CDK14: variants seen among roughly 807,000 people sequenced by gnomAD.
CDK14 encodes the protein cyclin dependent kinase 14.
A neutral mutation model predicts 60.7 loss-of-function variants in CDK14; 34 were observed. That is an observed-to-expected ratio of 0.56 (90% CI 0.43 to 0.75). CDK14 has a LOEUF of 0.75. Ranked by LOEUF, CDK14 falls within the 30% of genes least tolerant of loss-of-function variation. The probability of loss-of-function intolerance (pLI) is 0.00; values close to 1 mark genes in which losing one functional copy is unlikely to be tolerated. For synonymous variants in CDK14, 197 were observed against 203.7 expected, an observed-to-expected ratio of 0.97 and a Z score of 0.28; for missense variants, 482 against 564.1, an observed-to-expected ratio of 0.85 and a Z score of 1.47.
At chr7:90,609,778 T>C (rs960830390) in intron 2 of CDK14, among the ~76,000 whole-genome samples, 2 of 152,172 alleles carry the variant, frequency 1.3e-5, no homozygotes, top group African/African-American at 2.4e-5. Flanking sequence ...ACAAATATGA[T>C]TTGTGGATAT....
chr7:91,055,879 T>C (rs1042724332), intron 11 of CDK14, among the ~76,000 whole-genome samples: 2 of 152,260 alleles, frequency 1.3e-5, no homozygotes, highest in Non-Finnish European at 2.9e-5. Flanking sequence ...TGAGTTGTTA[T>C]ATACCAGTGG....
At chr7:91,049,295 C>T (rs1797325812) in intron 11 of CDK14, among the ~76,000 whole-genome samples, 1 of 152,188 alleles carries the variant, frequency 6.6e-6, no homozygotes, top group Non-Finnish European at 1.5e-5. Flanking sequence ...TAATCCTTGT[C>T]TTATGCTCTC....
chr7:90,705,322 A>G (rs900343389), intron 2 of CDK14, among the ~76,000 whole-genome samples: 1 of 151,836 alleles, frequency 6.6e-6, no homozygotes, highest in Non-Finnish European at 1.5e-5. Flanking sequence ...TTTTCCCTTC[A>G]CAGGCTTTTG....
chr7:91,083,736 A>T (rs1798547906), intron 12 of CDK14, among the ~76,000 whole-genome samples: 1 of 152,160 alleles, frequency 6.6e-6, no homozygotes, highest in African/African-American at 2.4e-5. Flanking sequence ...AAAATAGGAG[A>T]TGCTTTCCAG....
Position 90,597,017 on chromosome 7 carries a change from A to T in CDK14, c.91+299A>T, listed in dbSNP as rs555024675. Among the ~76,000 whole-genome samples, 324 of 150,452 alleles carry T rather than the reference A, an allele frequency of 2.2e-3. 1 individual carries two copies. The highest frequency in any genetic ancestry group is 7.5e-3 in the African/African-American group (307 of 40,780). On this transcript the variant is annotated intron_variant, in intron 1 of 14. Transcript: ENST00000380050. ...GCGCGCGTGGGGGACGGGCGAGGGGACCCCTCGGCCCCCACCGCGCAAGGG... is the reference window on the plus strand; with the variant it reads ...GCGCGCGTGGGGGACGGGCGAGGGGTCCCCTCGGCCCCCACCGCGCAAGGG...
intron 12 of CDK14, among the ~76,000 whole-genome samples, chr7:91,111,139 C>T (rs1003687564): frequency 6.6e-6 from 1 of 152,158 alleles, no homozygotes; most frequent in African/African-American, 2.4e-5. Context: ...GAGGCCTTCA[C>T]ATAACAAGAT....
At chr7:90,760,571 G>A (rs913010900) in intron 4 of CDK14, among the ~76,000 whole-genome samples, 1 of 152,160 alleles carries the variant, frequency 6.6e-6, no homozygotes, top group Admixed American at 6.5e-5. Context: ...GGCCCATGCT[G>A]TTTCTCCTTA....
intron 4 of CDK14, among the ~76,000 whole-genome samples, chr7:90,779,564 A>G (rs1487594805): frequency 2.0e-5 from 3 of 152,136 alleles, no homozygotes; most frequent in Admixed American, 1.3e-4. Flanking sequence ...ATTTATACCA[A>G]TGCATATTGT....
At chr7:91,059,037 A>G (rs1213698246) in intron 11 of CDK14, among the ~76,000 whole-genome samples, 1 of 151,994 alleles carries the variant, frequency 6.6e-6, no homozygotes, top group Non-Finnish European at 1.5e-5. Context: ...CTGGTCCTGG[A>G]CTTGTTTTGG....
At chr7:90,964,139 A>G (rs1040706334) in intron 9 of CDK14, among the ~76,000 whole-genome samples, 4 of 152,140 alleles carry the variant, frequency 2.6e-5, no homozygotes, top group Non-Finnish European at 1.5e-5. Flanking sequence ...GTCTTCATAG[A>G]AGTATGTTTT....
intron 10 of CDK14, among the ~76,000 whole-genome samples, chr7:90,985,396 T>C (rs1037821407): frequency 6.6e-6 from 1 of 152,120 alleles, no homozygotes; most frequent in African/African-American, 2.4e-5. Flanking sequence ...TATAGTTCTT[T>C]TAGGACTCTG....
chr7:90,998,279 C>T (rs973006052), intron 10 of CDK14, among the ~76,000 whole-genome samples: 2 of 152,100 alleles, frequency 1.3e-5, no homozygotes, highest in African/African-American at 2.4e-5. Flanking sequence ...AATCTCAGTA[C>T]CTTCCACTTA....
intron 2 of CDK14, among the ~76,000 whole-genome samples, chr7:90,706,824 C>G (rs1250916531): frequency 6.6e-6 from 1 of 152,158 alleles, no homozygotes. Flanking sequence ...CAGTGGGTGC[C>G]TAGGGTGAAC....
rs182389098 is a variant in CDK14 at position 91,084,032 on chromosome 7, T to C, written c.1154+4552T>C. Among the ~76,000 whole-genome samples, 12 of 152,364 alleles carry C rather than the reference T, an allele frequency of 7.9e-5. No individual in the cohort carries two copies. The East Asian group carries it at 1.5e-3, about 20-fold the overall frequency. On this transcript the variant is annotated intron_variant, in intron 12 of 14. Transcript: ENST00000380050. ...ATGTACATTGTCACATCCCCACATATGCTTATGGCAGTCTTTTGAGGTAGG... is the reference window on the plus strand; with the variant it reads ...ATGTACATTGTCACATCCCCACATACGCTTATGGCAGTCTTTTGAGGTAGG...
At chr7:90,879,012 A>G (rs548424363) in intron 6 of CDK14, among the ~76,000 whole-genome samples, 1 of 152,312 alleles carries the variant, frequency 6.6e-6, no homozygotes, top group African/African-American at 2.4e-5. Flanking sequence ...GTCTTCGTAA[A>G]AAGAATATGT....
intron 4 of CDK14, among the ~76,000 whole-genome samples, chr7:90,749,893 G>T (rs898664017): frequency 6.6e-6 from 1 of 152,024 alleles, no homozygotes; most frequent in Non-Finnish European, 1.5e-5. Flanking sequence ...AACACTATGG[G>T]CTCCACAGAT....
intron 6 of CDK14, among the ~76,000 whole-genome samples, chr7:90,890,002 T>C (rs1285661867): frequency 6.6e-6 from 1 of 152,236 alleles, no homozygotes; most frequent in Non-Finnish European, 1.5e-5. Context: ...GATATGGAAT[T>C]TTAATATAGC....
intron 7 of CDK14, among the ~76,000 whole-genome samples, chr7:90,903,706 G>T (rs1489013503): frequency 6.6e-6 from 1 of 152,030 alleles, no homozygotes; most frequent in African/African-American, 2.4e-5. Context: ...ATAACTAAAA[G>T]AAAAGATTTG....
intron 3 of CDK14, among the ~76,000 whole-genome samples, chr7:90,735,157 A>G (rs1803039218): frequency 6.6e-6 from 1 of 152,142 alleles, no homozygotes; most frequent in Admixed American, 6.5e-5. Flanking sequence ...AACAGCAAAG[A>G]TTGCTGCCTG....
Sources: gnomAD v4.1 joint callset for allele counts (sites outside exome capture counted in the v4.1 genomes callset) on GRCh38, gnomAD v4.1.1 for gene constraint, MANE v1.5 for transcripts, NCBI Gene and HGNC (gene_info 2026-07-23, HGNC 2026-07-21) for gene names.